Variants in TNFSF4 observed in about 807,000 individuals in gnomAD.
TNFSF4 encodes tumor necrosis factor ligand superfamily member 4.
In TNFSF4, 4 loss-of-function variants were observed where a neutral mutation model predicts 7.3. The ratio of observed to expected loss-of-function variants is 0.55; its 90% CI spans 0.27 to 1.25. The LOEUF (loss-of-function observed/expected upper bound fraction) is 1.25. Among genes scored for constraint, TNFSF4 ranks in the 50% most tolerant of loss-of-function variants. The probability of loss-of-function intolerance (pLI) is 0.12; values close to 1 mark genes in which losing one functional copy is unlikely to be tolerated. For missense variants in TNFSF4, 181 were observed against 208.8 expected, an observed-to-expected ratio of 0.87 and a Z score of 0.82; for synonymous variants, 76 against 83.7, an observed-to-expected ratio of 0.91 and a Z score of 0.50.
At chr1:173,252,524 G>T in the TNFSF4 span, among the ~76,000 whole-genome samples, 2 of 151,740 alleles carry the variant, frequency 1.3e-5, no homozygotes, top group African/African-American at 4.8e-5. Flanking sequence ...ATATTAAATG[G>T]TTACATACTC....
the TNFSF4 span, among the ~76,000 whole-genome samples, chr1:173,353,327 C>T: frequency 6.6e-6 from 1 of 152,180 alleles, no homozygotes; most frequent in Non-Finnish European, 1.5e-5. Flanking sequence ...TACAAAAGTA[C>T]TAATTTGGAG....
chr1:173,252,730 CA>C, the TNFSF4 span, among the ~76,000 whole-genome samples: 1 of 152,144 alleles, frequency 6.6e-6, no homozygotes, highest in African/African-American at 2.4e-5. Flanking sequence ...ACTCAGACAT[CA>C]GGGGGAGCAC....
chr1:173,328,432 T>C, the TNFSF4 span, among the ~76,000 whole-genome samples: 4 of 151,724 alleles, frequency 2.6e-5, no homozygotes, highest in African/African-American at 9.7e-5. Flanking sequence ...TGCAGCACAC[T>C]AACATGGCAC....
At chr1:173,294,624 C>G in the TNFSF4 span, among the ~76,000 whole-genome samples, 1 of 151,558 alleles carries the variant, frequency 6.6e-6, no homozygotes, top group Non-Finnish European at 1.5e-5. Context: ...CAAAACAAAC[C>G]CCCCAAAAAA....
the TNFSF4 span, among the ~76,000 whole-genome samples, chr1:173,344,187 G>A: frequency 2.0e-5 from 3 of 152,082 alleles, no homozygotes; most frequent in Non-Finnish European, 2.9e-5. Context: ...ATACCAGCAC[G>A]AGACCACACA....
chr1:173,303,188 T>C, the TNFSF4 span, among the ~76,000 whole-genome samples: 1 of 151,896 alleles, frequency 6.6e-6, no homozygotes, highest in Non-Finnish European at 1.5e-5. Context: ...CTTCTGTGTC[T>C]CTTTGTTGTG....
chr1:173,218,300 T>C, the TNFSF4 span, among the ~76,000 whole-genome samples: 3 of 152,186 alleles, frequency 2.0e-5, no homozygotes, highest in Admixed American at 2.0e-4. Flanking sequence ...ATCACTTTGA[T>C]ATTCCAGACT....
chr1:173,333,098 G>A, the TNFSF4 span, among the ~76,000 whole-genome samples: 1 of 152,186 alleles, frequency 6.6e-6, no homozygotes, highest in Admixed American at 6.5e-5. Context: ...AAATGGAAAG[G>A]CCTTCAGGAC....
the TNFSF4 span, chr1:173,174,990 T>C: frequency 5.3e-5 from 8 of 152,210 alleles, no homozygotes; most frequent in Admixed American, 5.2e-4. Context: ...CTTTCTTTAC[T>C]CCTTTTAGAG....
At chr1:173,435,516 C>G in the TNFSF4 span, among the ~76,000 whole-genome samples, 1 of 152,214 alleles carries the variant, frequency 6.6e-6, no homozygotes. Context: ...CATGAGCACA[C>G]ATCTACAAGG....
At chr1:173,372,397 T>C in the TNFSF4 span, among the ~76,000 whole-genome samples, 1 of 152,188 alleles carries the variant, frequency 6.6e-6, no homozygotes, top group South Asian at 2.1e-4. Context: ...AAGCAGGCCC[T>C]AGTACAAGAT....
chr1:173,269,182 G>T, the TNFSF4 span, among the ~76,000 whole-genome samples: 1 of 152,104 alleles, frequency 6.6e-6, no homozygotes, highest in Admixed American at 6.5e-5. Context: ...AATCAAGAGG[G>T]TCTAGGGAGT....
the TNFSF4 span, among the ~76,000 whole-genome samples, chr1:173,220,874 A>G: frequency 6.6e-6 from 1 of 152,152 alleles, no homozygotes; most frequent in East Asian, 1.9e-4. Flanking sequence ...AAAGTGGTTA[A>G]ATGCTGTGAC....
At chr1:173,314,227 A>G in the TNFSF4 span, among the ~76,000 whole-genome samples, 11 of 151,998 alleles carry the variant, frequency 7.2e-5, no homozygotes, top group South Asian at 4.1e-4. Flanking sequence ...TGATTATTCT[A>G]TTTCTTCTTA....
downstream of TNFSF4, among the ~76,000 whole-genome samples, chr1:173,181,436 C>T (rs1649054203): frequency 6.6e-6 from 1 of 152,196 alleles, no homozygotes; most frequent in African/African-American, 2.4e-5. Context: ...TGCTAAAAGT[C>T]TGTGTTTCCG....
At chr1:173,267,017 A>T in the TNFSF4 span, among the ~76,000 whole-genome samples, 1 of 152,150 alleles carries the variant, frequency 6.6e-6, no homozygotes, top group African/African-American at 2.4e-5. Flanking sequence ...ACAGTCTTAT[A>T]CTCATATGCT....
the TNFSF4 span, chr1:173,440,640 G>A: frequency 1.3e-5 from 2 of 152,156 alleles, no homozygotes; most frequent in Non-Finnish European, 2.9e-5. Flanking sequence ...TAAGAACCAA[G>A]CACTTTGGTC....
At chr1:173,448,607 G>A in the TNFSF4 span, among the ~76,000 whole-genome samples, 1 of 152,162 alleles carries the variant, frequency 6.6e-6, no homozygotes, top group Non-Finnish European at 1.5e-5. Context: ...CTAGCGGATG[G>A]GAGTGGGGGT....
chr1:173,259,248 C>A, the TNFSF4 span, among the ~76,000 whole-genome samples: 1 of 152,270 alleles, frequency 6.6e-6, no homozygotes, highest in African/African-American at 2.4e-5. Context: ...CAAATTGCAG[C>A]AGCCCTATTG....
Sources: gnomAD v4.1 joint callset for allele counts (sites outside exome capture counted in the v4.1 genomes callset) on GRCh38, gnomAD v4.1.1 for gene constraint, MANE v1.5 for transcripts, NCBI Gene and HGNC (gene_info 2026-07-23, HGNC 2026-07-21) for gene names.